Variants in DDX39B observed in about 807,000 individuals in gnomAD.
The protein encoded by DDX39B is spliceosome RNA helicase DDX39B.
Under a neutral mutation model 46.4 loss-of-function variants are expected in DDX39B, and 6 were observed. The ratio of observed to expected loss-of-function variants is 0.13; its 90% CI spans 0.07 to 0.26. The LOEUF is 0.26. Among genes scored for constraint, DDX39B ranks in the 10% least tolerant of loss-of-function variants. The pLI is 1.00. For missense variants in DDX39B, 185 were observed against 553.4 expected, an observed-to-expected ratio of 0.33 and a Z score of 6.68; for synonymous variants, 174 against 199.4, an observed-to-expected ratio of 0.87 and a Z score of 1.07.
At position 31,532,925 on chromosome 6, in the gene DDX39B, A is replaced by C. The variant is rs765775530; in HGVS notation, c.736-14T>G. 1.0e-4 allele frequency: 40 copies of C among 385,876 alleles called. No individual in the cohort carries two copies. The highest frequency in any genetic ancestry group is 9.0e-4 in the Middle Eastern group (1 of 1,116). The allele number at this position is 385,876 out of a possible 1,614,324, so 23.9% of individuals were successfully genotyped here. A position where few individuals can be genotyped will look rare whatever the true frequency, so the allele number is the denominator to read the frequency against. Reference sequence around the variant, plus strand: ...GATCTCCATTGGCTGGGGGGGAGGAAGGGGGTGGGGAACGGGAGGAGGGCA... The same window carrying C: ...GATCTCCATTGGCTGGGGGGGAGGACGGGGGTGGGGAACGGGAGGAGGGCA... On this transcript the variant is annotated splice_polypyrimidine_tract_variant and intron_variant, in intron 6 of 10. Transcript: ENST00000396172.
At chr6:31,536,782 G>A (rs1582951490) in intron 4 of DDX39B, 99 bp from the exon 5 acceptor site, 5 of 1,439,068 alleles carry the variant, frequency 3.5e-6, no homozygotes, top group East Asian at 2.3e-5. Context: ...TTTTTAGCAT[G>A]TTTCCAAACT....
chr6:31,531,384 C>A lies in DDX39B; in HGVS notation c.889G>T (p.Val297Leu). 1 of 1,614,010 alleles carries A rather than the reference C, an allele frequency of 6.2e-7. No individual in the cohort carries two copies. Among genetic ancestry groups the A allele is most frequent in the Non-Finnish European group, 8.5e-7 (1 of 1,180,014 alleles). The change falls in exon 8 of 11, where the codon GTG (valine) becomes TTG (leucine). Residue 297 changes from valine to leucine, a missense_variant. Around this residue, in one of 5 missense-constraint regions of DDX39B, gnomAD observed 110 missense variants for 282.2 expected, o/e 0.39. Coordinates refer to ENST00000396172, the MANE Select transcript of DDX39B (RefSeq NM_004640.7). This position sits in a 1 kb window ranked among gnomAD's most constrained non-coding sequence, Gnocchi z 5.8. Reference protein sequence around the residue: ...FNQVVIFVKSVQRCIALAQLL... With the variant: ...FNQVVIFVKSLQRCIALAQLL... ...TGGGCCAAGGCAATGCACCGCTGCACAGACTTCACAAAGATCACCACCTGT... is the reference window on the plus strand; with the variant it reads ...TGGGCCAAGGCAATGCACCGCTGCAAAGACTTCACAAAGATCACCACCTGT...
Position 31,532,913 on chromosome 6 carries a change from TGGGGGGGAGGAAG to T in DDX39B, c.736-15_736-3del. 1 of 443,402 alleles carries T rather than the reference TGGGGGGGAGGAAG, an allele frequency of 2.3e-6. No homozygotes were observed. The highest frequency in any genetic ancestry group is 3.4e-6 in the Non-Finnish European group (1 of 293,148). The allele number at this position is 443,402 out of a possible 1,614,324, so 27.5% of individuals were successfully genotyped here. ...ATCATCCACGAAGATCTCCATTGGC[TGGGGGGGAGGAAG>T]GGGGTGGGGAACGGGAGGAGGGCAG... On this transcript the variant is annotated splice_polypyrimidine_tract_variant and splice_region_variant and intron_variant, in intron 6 of 10. Transcript: ENST00000396172.
At position 31,531,204 on chromosome 6, in the gene DDX39B, G is replaced by C. The variant is rs1280447274; in HGVS notation, c.978-7C>G. On this transcript the variant is annotated splice_region_variant and splice_polypyrimidine_tract_variant and intron_variant, in intron 8 of 10. Coordinates refer to ENST00000396172, the MANE Select transcript of DDX39B (RefSeq NM_004640.7). This position sits in a 1 kb window ranked among gnomAD's most constrained non-coding sequence, Gnocchi z 5.8. The stretch of plus-strand genomic sequence containing the variant: ...CTGCTGATACCGAGAAAGCCTTTGT[G>C]AGAAAGGAAATTTAAAACATGTTGA... 3 of 1,614,134 alleles carry C rather than the reference G, an allele frequency of 1.9e-6. No individual in the cohort carries two copies.
chr6:31,533,227 G>A (rs994558228), intron 6 of DDX39B: 3 of 287,380 alleles, frequency 1.0e-5, no homozygotes, highest in Admixed American at 4.9e-5. Context: ...AATAGAGGTG[G>A]GAGAGGAAAG....
chr6:31,535,192 G>A lies in DDX39B; in HGVS notation c.735+175C>T, dbSNP rs1473366870. The A allele has an allele frequency of 1.5e-6, 1 of 675,888 alleles. No homozygotes were observed. The highest frequency in any genetic ancestry group is 2.4e-4 in the Middle Eastern group (1 of 4,098). 41.9% of individuals were successfully genotyped at this position (675,888 alleles called of 1,614,324 possible). On this transcript the variant is annotated intron_variant, in intron 6 of 10. Transcript: ENST00000396172. This position sits in a 1 kb window ranked among gnomAD's most constrained non-coding sequence, Gnocchi z 4.6. ...CGGAGTTTCCCTGGCACCCGCGCAG[G>A]CCCTAACACTAGCTGTCTCTGCTTC...
At chr6:31,541,582 G>A (rs1223686468) in intron 1 of DDX39B, 2 of 464,296 alleles carry the variant, frequency 4.3e-6, no homozygotes, top group Non-Finnish European at 8.9e-6. Context: ...GGCCGAGAAA[G>A]AGCTCAAGAA....
intron 1 of DDX39B, chr6:31,541,374 C>T (rs914377279): frequency 8.1e-6 from 3 of 372,584 alleles, no homozygotes; most frequent in African/African-American, 6.4e-5. Flanking sequence ...AATCCCCGCC[C>T]AGGCTTTAAC....
rs1768129006 is a variant in DDX39B at position 31,539,282 on chromosome 6, T to G, written c.212-8A>C. 1.2e-6 allele frequency: 2 copies of G among 1,608,236 alleles called. No individual in the cohort carries two copies. The highest frequency in any genetic ancestry group is 1.7e-6 in the Non-Finnish European group (2 of 1,175,964). ...GGATGCACTCATGCTGGACTAAAAG[T>G]TGGGGGGGGAGGAAGATAAATTAGA... is the stretch of plus-strand genomic sequence containing the variant. On this transcript the variant is annotated splice_polypyrimidine_tract_variant and splice_region_variant and intron_variant, in intron 2 of 10. Coordinates refer to ENST00000396172, the MANE Select transcript of DDX39B (RefSeq NM_004640.7).
Position 31,538,873 on chromosome 6 carries a change from C to CG in DDX39B, c.340-19dup. On this transcript the variant is annotated intron_variant, in intron 3 of 10. Transcript: ENST00000396172. ...ACAGACACCTTAGGCAGGAAGTAGACGGAGACATATGGTAAATGTAGCTCT... is the reference window on the plus strand; with the variant it reads ...ACAGACACCTTAGGCAGGAAGTAGACGGGAGACATATGGTAAATGTAGCTCT... 6.2e-7 allele frequency: 1 copy of CG among 1,607,886 alleles called. No individual in the cohort carries two copies. Among genetic ancestry groups the CG allele is most frequent in the African/African-American group, 1.3e-5 (1 of 74,802 alleles).
Position 31,530,324 on chromosome 6 carries a change from A to T in DDX39B, c.*110T>A, listed in dbSNP as rs1582926956. 6.2e-6 allele frequency: 8 copies of T among 1,296,310 alleles called. No homozygotes were observed. Among genetic ancestry groups the T allele is most frequent in the South Asian group, 1.4e-5 (1 of 72,752 alleles). The allele number at this position is 1,296,310 out of a possible 1,614,324, so 80.3% of individuals were successfully genotyped here. On this transcript the variant is annotated 3_prime_UTR_variant, in exon 11 of 11. Coordinates refer to ENST00000396172, the MANE Select transcript of DDX39B (RefSeq NM_004640.7). This position sits in a 1 kb window ranked among gnomAD's most constrained non-coding sequence, Gnocchi z 4.5. Reference sequence around the variant, plus strand: ...GAGTGGTGGTGATGCAAAAGATGGAAGCCATGGGGTGGGGGCTGTCAGGGG... The same window carrying T: ...GAGTGGTGGTGATGCAAAAGATGGATGCCATGGGGTGGGGGCTGTCAGGGG...
In DDX39B at chr6:31,530,950, C is replaced by T; in HGVS notation, c.1123-24G>A. ...ACCTGGAGGGAGACAGAGGGTAGCA[C>T]TGGAAGACCGAAGAGGAAAGAGACC... On this transcript the variant is annotated intron_variant, in intron 9 of 10. Transcript: ENST00000396172. The surrounding 1 kb of genome is among the most constrained non-coding windows in gnomAD (Gnocchi z 4.5). 1 of 1,613,960 alleles carries T rather than the reference C, an allele frequency of 6.2e-7. No individual in the cohort carries two copies. Among genetic ancestry groups the T allele is most frequent in the Non-Finnish European group, 8.5e-7 (1 of 1,179,916 alleles).
rs150180410 is a variant in DDX39B, at chr6:31,530,689, T to C, written c.1270+90A>G. The C allele has an allele frequency of 2.0e-6, 3 of 1,525,864 alleles. No individual in the cohort carries two copies. Among genetic ancestry groups the C allele is most frequent in the African/African-American group, 2.7e-5 (2 of 73,424 alleles). The allele number at this position is 1,525,864 out of a possible 1,614,324, so 94.5% of individuals were successfully genotyped here. A position where few individuals can be genotyped will look rare whatever the true frequency, so the allele number is the denominator to read the frequency against. Reference sequence around the variant, plus strand: ...GAACCAGTCAAGTGTCCATTATGCATCAGATGCCCATGACCTATGTGATGG... The same window carrying C: ...GAACCAGTCAAGTGTCCATTATGCACCAGATGCCCATGACCTATGTGATGG... On this transcript the variant is annotated intron_variant, in intron 10 of 10. Coordinates refer to ENST00000396172, the MANE Select transcript of DDX39B (RefSeq NM_004640.7). This position sits in a 1 kb window ranked among gnomAD's most constrained non-coding sequence, Gnocchi z 4.5.
chr6:31,540,080 C>T (rs1005174814), intron 2 of DDX39B, among the ~76,000 whole-genome samples: 3 of 152,162 alleles, frequency 2.0e-5, no homozygotes, highest in Non-Finnish European at 2.9e-5. Flanking sequence ...AATTTCTGAA[C>T]GTTTTGTAGA....
In DDX39B at chr6:31,536,618, C is replaced by T. The variant is rs1026886188; in HGVS notation, c.498G>A (p.Pro166=). The T allele has an allele frequency of 6.2e-7, 1 of 1,613,006 alleles. No homozygotes were observed. The highest frequency in any genetic ancestry group is 8.5e-7 in the Non-Finnish European group (1 of 1,180,018). The change falls in exon 5 of 11, where the codon CCG becomes CCA. Residue 166 remains proline (P), a synonymous_variant. Coordinates refer to ENST00000396172, the MANE Select transcript of DDX39B (RefSeq NM_004640.7). ...KDEEVLKKNC[P]HIVVGTPGRI... The stretch of plus-strand genomic sequence containing the variant: ...GGCCTGGAGTCCCCACGACGATATG[C>T]GGGCAGTTCTTCTTCAGCACCTCTT...
intron 2 of DDX39B, 33 bp from the exon 3 acceptor site, chr6:31,539,307 A>T: frequency 6.2e-7 from 1 of 1,602,208 alleles, no homozygotes; most frequent in South Asian, 1.1e-5. Flanking sequence ...GATAAATTAG[A>T]CTTCAGTCTC....
In DDX39B at chr6:31,534,309, T is replaced by C. The variant is rs1398226192; in HGVS notation, c.735+1058A>G. On this transcript the variant is annotated intron_variant, in intron 6 of 10. Transcript: ENST00000396172. This position sits in a 1 kb window ranked among gnomAD's most constrained non-coding sequence, Gnocchi z 5.1. ...CACCAGGCCCAGCCAAGGCAGGCTT[T>C]CTAAAGAGAAGTTCCATGGCCTCCT... 3 of 321,106 alleles carry C rather than the reference T, an allele frequency of 9.3e-6. No homozygotes were observed. The highest frequency in any genetic ancestry group is 6.6e-5 in the African/African-American group (3 of 45,776). The allele number at this position is 321,106 out of a possible 1,614,324, so 19.9% of individuals were successfully genotyped here. A position where few individuals can be genotyped will look rare whatever the true frequency, so the allele number is the denominator to read the frequency against.
chr6:31,532,392 C>G (rs1353848498), intron 7 of DDX39B: 2 of 192,500 alleles, frequency 1.0e-5, no homozygotes, highest in African/African-American at 4.8e-5. Context: ...GCATACACCA[C>G]CACACCTGGC....
chr6:31,533,062 C>A, intron 6 of DDX39B, 151 bp from the exon 7 acceptor site: 1 of 599,464 alleles, frequency 1.7e-6, no homozygotes, highest in African/African-American at 1.8e-5. Flanking sequence ...CCAAAAATAC[C>A]CACATTTTAC....
Sources: gnomAD v4.1 joint callset for allele counts (sites outside exome capture counted in the v4.1 genomes callset) on GRCh38, gnomAD v4.1.1 for gene constraint, gnomAD v4.1.1 regional missense constraint, Gnocchi (gnomAD v3.1) non-coding constraint, MANE v1.5 for transcripts, NCBI Gene and HGNC (gene_info 2026-07-23, HGNC 2026-07-21) for gene names.